The following PCDHA6 variants were observed in gnomAD, a reference collection of about 807,000 sequenced individuals.
PCDHA6 encodes the protein protocadherin alpha 6, also known as protocadherin alpha-6.
PCDHA6 carries 55 observed loss-of-function variants against 60.3 expected under a neutral mutation model. That is an observed-to-expected ratio of 0.91 (90% CI 0.73 to 1.14). PCDHA6 has a LOEUF of 1.14. Ranked by LOEUF, PCDHA6 falls within the 50% of genes most tolerant of loss-of-function variation. The probability of loss-of-function intolerance (pLI) is 0.00; values close to 1 mark genes in which losing one functional copy is unlikely to be tolerated. For missense variants in PCDHA6, 1,327 were observed against 1,256.5 expected (o/e 1.06, Z -0.85); for synonymous variants, 652 against 557.9 (o/e 1.17, Z -2.38).
At chr5:140,873,861 A>AT (rs1198117759) in intron 1 of PCDHA6, among the ~76,000 whole-genome samples, 1 of 152,162 alleles carries the variant, frequency 6.6e-6, no homozygotes, top group Non-Finnish European at 1.5e-5. Context: ...GGTTTTCACC[A>AT]TGTTGGCCAG....
At chr5:140,875,596 G>T (rs1554167787) in intron 1 of PCDHA6, 2 of 1,613,938 alleles carry the variant, frequency 1.2e-6, no homozygotes, top group East Asian at 2.2e-5. Context: ...GGCCAAACAC[G>T]GCACCTTCGT....
chr5:140,841,385 G>C, intron 1 of PCDHA6: 2 of 1,613,440 alleles, frequency 1.2e-6, no homozygotes, highest in Non-Finnish European at 1.7e-6. Context: ...TCTGCTCCTC[G>C]CAGCCTGGAA....
intron 1 of PCDHA6, chr5:140,842,195 C>T (rs1165859216): frequency 1.9e-6 from 3 of 1,613,558 alleles, no homozygotes; most frequent in Non-Finnish European, 2.5e-6. Flanking sequence ...GGTTATTGAC[C>T]ACTTTAGCAT....
chr5:140,887,728 C>T (rs1313632263), intron 1 of PCDHA6, among the ~76,000 whole-genome samples: 1 of 151,970 alleles, frequency 6.6e-6, no homozygotes, highest in Non-Finnish European at 1.5e-5. Context: ...TTTTTCTTTC[C>T]TTCCATCCTT....
rs202184948 is a variant in PCDHA6 at position 140,888,065 on chromosome 5, T to C, written c.2394+57580T>C. 4.6e-5 allele frequency among the ~76,000 whole-genome samples: 7 copies of C among 152,338 alleles called. No homozygotes were observed. The East Asian group carries it at 5.8e-4, about 13-fold the overall frequency. On this transcript the variant is annotated intron_variant, in intron 1 of 3. Transcript: ENST00000529310. Reference sequence around the variant, plus strand: ...TATAATAGATGTTTTAACTTTCTTGTCTGCTAATTTCAACATTTTTGTCCT... The same window carrying C: ...TATAATAGATGTTTTAACTTTCTTGCCTGCTAATTTCAACATTTTTGTCCT...
intron 3 of PCDHA6, among the ~76,000 whole-genome samples, chr5:140,985,909 T>C (rs1421545707): frequency 6.6e-6 from 1 of 151,912 alleles, no homozygotes; most frequent in Non-Finnish European, 1.5e-5. Flanking sequence ...CCGTCTAATT[T>C]TTTGTATTTT....
intron 1 of PCDHA6, among the ~76,000 whole-genome samples, chr5:140,954,268 A>C (rs1381458746): frequency 2.0e-5 from 3 of 152,224 alleles, no homozygotes; most frequent in African/African-American, 7.2e-5. Flanking sequence ...TCTTTATAAT[A>C]GGATGATTTA....
intron 1 of PCDHA6, chr5:140,851,511 T>C (rs2042080638): frequency 2.8e-5 from 25 of 901,700 alleles, no homozygotes; most frequent in Non-Finnish European, 3.2e-5. Flanking sequence ...ATATAAAATA[T>C]GTTTTAAAAT....
intron 1 of PCDHA6, chr5:140,929,115 C>T: frequency 6.2e-7 from 1 of 1,614,136 alleles, no homozygotes. Context: ...CATCAGCCAC[C>T]ATAGATGTCA....
chr5:140,929,554 C>G (rs899446101), intron 1 of PCDHA6: 17 of 488,414 alleles, frequency 3.5e-5, no homozygotes, highest in Non-Finnish European at 5.5e-5. Flanking sequence ...AAAATTAAAA[C>G]CTATTTAAGA....
intron 1 of PCDHA6, chr5:140,848,650 T>C (rs1343958164): frequency 6.3e-6 from 10 of 1,592,776 alleles, no homozygotes; most frequent in Non-Finnish European, 8.6e-6. Flanking sequence ...GCGCAGGACC[T>C]GGGGCTGGAG....
intron 1 of PCDHA6, chr5:140,860,712 G>C (rs1200202390): frequency 5.3e-5 from 8 of 152,188 alleles, no homozygotes; most frequent in African/African-American, 1.9e-4. Flanking sequence ...TGTTCTCCAT[G>C]AAAAGTTTTT....
At position 140,926,615 on chromosome 5, in the gene PCDHA6, C is replaced by G. The variant is rs540135252; in HGVS notation, c.2395-52334C>G. On this transcript the variant is annotated intron_variant, in intron 1 of 3. Coordinates refer to ENST00000529310, the MANE Select transcript of PCDHA6 (RefSeq NM_018909.4). ...GGCGGGCGGCCTCGTCTCTGCACCC[C>G]TAGGCGGCGCTGCGCTCCTCAACAC... 1,855 of 379,286 alleles carry G rather than the reference C, an allele frequency of 4.9e-3. 8 individuals are homozygous for G. Among genetic ancestry groups the G allele is most frequent in the African/African-American group, 0.019 (896 of 47,466 alleles). The allele number at this position is 379,286 out of a possible 1,614,324, so 23.5% of individuals were successfully genotyped here. A position where few individuals can be genotyped will look rare whatever the true frequency, so the allele number is the denominator to read the frequency against.
At chr5:140,960,065 C>G (rs953730101) in intron 1 of PCDHA6, among the ~76,000 whole-genome samples, 1 of 152,120 alleles carries the variant, frequency 6.6e-6, no homozygotes, top group Non-Finnish European at 1.5e-5. Flanking sequence ...ACAGAAGATT[C>G]AATTGAAGTT....
intron 3 of PCDHA6, among the ~76,000 whole-genome samples, chr5:140,984,059 C>G (rs1269975627): frequency 6.6e-6 from 1 of 152,108 alleles, no homozygotes; most frequent in East Asian, 1.9e-4. Context: ...CAAATCTGTA[C>G]CCTCAGTGCC....
At chr5:140,856,360 C>T (rs2043951808) in intron 1 of PCDHA6, 2 of 1,598,438 alleles carry the variant, frequency 1.3e-6, no homozygotes, top group Admixed American at 1.7e-5. Context: ...GCAGCATCCA[C>T]CTGGAGGTGA....
chr5:140,876,191 C>T (rs1313911800), intron 1 of PCDHA6: 3 of 1,613,760 alleles, frequency 1.9e-6, no homozygotes, highest in Non-Finnish European at 2.5e-6. Context: ...GACAATGGTC[C>T]GGCGTTTGAT....
chr5:140,883,859 T>C (rs1554180306), intron 1 of PCDHA6: 12 of 1,613,116 alleles, frequency 7.4e-6, no homozygotes, highest in East Asian at 2.2e-5. Context: ...GCTGGAGCTG[T>C]TGCAGTTCCA....
intron 1 of PCDHA6, chr5:140,864,391 A>G (rs1554158881): frequency 6.6e-6 from 1 of 152,234 alleles, no homozygotes; most frequent in African/African-American, 2.4e-5. Context: ...TCTCTCACAA[A>G]TGGTGATGAG....
Sources: gnomAD v4.1 joint callset for allele counts (sites outside exome capture counted in the v4.1 genomes callset) on GRCh38, gnomAD v4.1.1 for gene constraint, MANE v1.5 for transcripts, NCBI Gene and HGNC (gene_info 2026-07-23, HGNC 2026-07-21) for gene names.